Variants in HK3 observed in about 807,000 individuals in gnomAD.
HK3 encodes the protein hexokinase 3, also known as hexokinase-3.
In HK3, 93 loss-of-function variants were observed where a neutral mutation model predicts 91.0. That is an observed-to-expected ratio of 1.02 (90% CI 0.86 to 1.21). The LOEUF (loss-of-function observed/expected upper bound fraction) is 1.21, where lower values mean the gene tolerates loss of function less well. Among genes scored for constraint, HK3 ranks in the 50% most tolerant of loss-of-function variants. The pLI, the probability that HK3 is intolerant of heterozygous loss-of-function variation, is 0.00. For missense variants in HK3, 1,235 were observed against 1,247.4 expected (o/e 0.99, Z 0.15); for synonymous variants, 519 against 516.9 (o/e 1.00, Z -0.06).
intron 15 of HK3, among the ~76,000 whole-genome samples, chr5:176,883,345 A>C (rs1272576462): frequency 6.6e-6 from 1 of 152,192 alleles, no homozygotes; most frequent in African/African-American, 2.4e-5. Flanking sequence ...ACCATGAGCC[A>C]GGGACCATGC....
At position 176,881,098 on chromosome 5, in the gene HK3, C is replaced by T. The variant is rs750375133; in HGVS notation, c.2747G>A (p.Arg916His). The change falls in exon 19 of 19, where the codon CGC (arginine) becomes CAC (histidine). Residue 916 changes from arginine to histidine, a missense_variant. Physicochemically the swap from Arg to His is conservative, Grantham distance 29 (BLOSUM62 0). This residue lies in a region of HK3 where 513 missense variants were observed against 477.4 expected (regional missense o/e 1.07). Transcript: ENST00000292432. Reference sequence around the variant, plus strand: ...TCAGACACGAGTCAACTGCGCAAGGCGGCAGGCAACAGCGGTGACCAGGGC... The same window carrying T: ...TCAGACACGAGTCAACTGCGCAAGGTGGCAGGCAACAGCGGTGACCAGGGC... ...GAALVTAVAC[R>H]LAQLTRV 10 of 1,610,570 alleles carry T rather than the reference C, an allele frequency of 6.2e-6. No homozygotes were observed. Among genetic ancestry groups the T allele is most frequent in the South Asian group, 1.1e-5 (1 of 90,998 alleles).
chr5:176,890,045 T>C lies in HK3; in HGVS notation c.631-301A>G, dbSNP rs968622491. Among the ~76,000 whole-genome samples the C allele has an allele frequency of 7.9e-5, 12 of 152,156 alleles. No homozygotes were observed. In the East Asian group the frequency reaches 2.3e-3, roughly 29 times the overall value. On this transcript the variant is annotated intron_variant, in intron 6 of 18. Coordinates refer to ENST00000292432, the MANE Select transcript of HK3 (RefSeq NM_002115.3). ...AGTTTCCTGAGACTGAGCACCTCCT[T>C]GAACTCTGCGCCTTGCCAGCCTCAC...
chr5:176,889,882 A>T (rs1477984489), intron 6 of HK3, 138 bp from the exon 7 acceptor site: 8 of 689,648 alleles, frequency 1.2e-5, no homozygotes, highest in Non-Finnish European at 2.0e-5. Flanking sequence ...TGCCACACAC[A>T]TTTGTGCCAC....
chr5:176,898,834 T>C (rs1758971051), intron 1 of HK3, among the ~76,000 whole-genome samples: 1 of 152,146 alleles, frequency 6.6e-6, no homozygotes, highest in Non-Finnish European at 1.5e-5. Flanking sequence ...GGAGCTGCCA[T>C]CGAGAACCAG....
intron 2 of HK3, among the ~76,000 whole-genome samples, chr5:176,891,884 G>T (rs548365814): frequency 6.6e-6 from 1 of 152,196 alleles, no homozygotes; most frequent in Non-Finnish European, 1.5e-5. Flanking sequence ...TGGCTCCCCA[G>T]GACCCACAGC....
Position 176,887,862 on chromosome 5 carries a change from A to C in HK3, c.1305-116T>G. 9.6e-7 allele frequency: 1 copy of C among 1,041,636 alleles called. No individual in the cohort carries two copies. Among genetic ancestry groups the C allele is most frequent in the Non-Finnish European group, 1.4e-6 (1 of 724,642 alleles). 64.5% of individuals were successfully genotyped at this position (1,041,636 alleles called of 1,614,324 possible). A position where few individuals can be genotyped will look rare whatever the true frequency, so the allele number is the denominator to read the frequency against. On this transcript the variant is annotated intron_variant, in intron 10 of 18. Coordinates refer to ENST00000292432, the MANE Select transcript of HK3 (RefSeq NM_002115.3). The surrounding 1 kb of genome is among the most constrained non-coding windows in gnomAD (Gnocchi z 4.9). ...ACAGGTGTGCCCAGCTTGGCCCCAG[A>C]CCCCTAGGGCCTCCTGAAGCCCAAG...
Position 176,880,929 on chromosome 5 carries a change from G to A in HK3, c.*144C>T. ...GTGCTACTTCTCTCAGGGAAAGCCA[G>A]GGAGCAAGGCCAAATGGCCGCAGAG... is the stretch of plus-strand genomic sequence containing the variant. On this transcript the variant is annotated 3_prime_UTR_variant, in exon 19 of 19. Transcript: ENST00000292432. 1.2e-6 allele frequency: 1 copy of A among 836,654 alleles called. No individual in the cohort carries two copies. The allele number at this position is 836,654 out of a possible 1,614,324, so 51.8% of individuals were successfully genotyped here. A position where few individuals can be genotyped will look rare whatever the true frequency, so the allele number is the denominator to read the frequency against.
chr5:176,888,879 G>T lies in HK3; in HGVS notation c.915-15C>A. 6.2e-7 allele frequency: 1 copy of T among 1,607,828 alleles called. No homozygotes were observed. On this transcript the variant is annotated splice_polypyrimidine_tract_variant and intron_variant, in intron 8 of 18. Transcript: ENST00000292432. ...TCTTCTCAAACCTGCAGGGGGGAAG[G>T]GTGGCTGGAGGAAGCCTTTTCTAAG...
chr5:176,892,453 A>G (rs891709852), intron 2 of HK3, among the ~76,000 whole-genome samples: 1 of 152,068 alleles, frequency 6.6e-6, no homozygotes, highest in Non-Finnish European at 1.5e-5. Flanking sequence ...CAGGGAAGGC[A>G]GAAGCCAGGA....
intron 2 of HK3, among the ~76,000 whole-genome samples, chr5:176,892,343 G>A (rs1424720219): frequency 2.0e-5 from 3 of 152,132 alleles, no homozygotes; most frequent in African/African-American, 7.2e-5. Context: ...AATGAAGGAA[G>A]GGAACAAGCC....
chr5:176,887,722 T>C lies in HK3; in HGVS notation c.1329A>G (p.Thr443=). 6.2e-7 allele frequency: 1 copy of C among 1,612,194 alleles called. No individual in the cohort carries two copies. Among genetic ancestry groups the C allele is most frequent in the Non-Finnish European group, 8.5e-7 (1 of 1,178,614 alleles). ...HPRFCSVLQG[T]VMLLAPECDV... is the part of the protein sequence containing the mutation. ...CGCATTCCGGGGCCAGGAGCATCAC[T>C]GTCCCCTGCAGGACGCTGCAGAACC... Residue 443 remains threonine (T), a synonymous_variant, in exon 11 of 19, where the codon ACA becomes ACG. Transcript: ENST00000292432. The surrounding 1 kb of genome is among the most constrained non-coding windows in gnomAD (Gnocchi z 4.9).
intron 1 of HK3, among the ~76,000 whole-genome samples, chr5:176,898,176 T>C (rs493578): frequency 0.27 from 41,705 of 152,058 alleles, 5,775 homozygotes; most frequent in Middle Eastern, 0.35. Flanking sequence ...CCTAAACTGA[T>C]AGCTCTGCTT....
intron 13 of HK3, among the ~76,000 whole-genome samples, chr5:176,885,942 G>C (rs1366900539): frequency 1.3e-5 from 2 of 152,038 alleles, no homozygotes; most frequent in Non-Finnish European, 2.9e-5. Flanking sequence ...GCAGAGTACA[G>C]AGTTGCATAT....
rs779924580 is a variant in HK3, at chr5:176,887,238, GAGT to G, written c.1697_1699del (p.Tyr566del). ...ACCCTGGGCCACAGTCTCGGGAATG[GAGT>G]AGATCTCGCTGGTGATCTGCACGCC... On this transcript the variant is annotated inframe_deletion, in exon 12 of 19. Transcript: ENST00000292432. This position sits in a 1 kb window ranked among gnomAD's most constrained non-coding sequence, Gnocchi z 4.9. 1.9e-6 allele frequency: 3 copies of G among 1,614,146 alleles called. No homozygotes were observed. The South Asian group carries it at 3.3e-5, about 18-fold the overall frequency.
At chr5:176,889,865 G>T in intron 6 of HK3, 121 bp from the exon 7 acceptor site, 1 of 748,422 alleles carries the variant, frequency 1.3e-6, no homozygotes. Flanking sequence ...TGAAACACAT[G>T]TCTGCATGCC....
In HK3 at chr5:176,889,515, C is replaced by T. The variant is rs1758704267; in HGVS notation, c.780G>A (p.Val260=). 6.2e-7 allele frequency: 1 copy of T among 1,614,216 alleles called. No homozygotes were observed. The highest frequency in any genetic ancestry group is 2.2e-5 in the East Asian group (1 of 44,886). Residue 260 remains valine (V), a synonymous_variant, in exon 8 of 19, where the codon GTG becomes GTA. Coordinates refer to ENST00000292432, the MANE Select transcript of HK3 (RefSeq NM_002115.3). The stretch of plus-strand genomic sequence containing the variant: ...AGACGCGGCCCCGGTCTTCGTCCAG[C>T]ACTGCCACATGCCGTGCCTCCTCCA... The part of the protein sequence containing the change: ...CYMEEARHVA[V]LDEDRGRVCV...
At position 176,887,552 on chromosome 5, in the gene HK3, A is replaced by T; in HGVS notation, c.1499T>A (p.Val500Asp). ...FRLNHDQLAA[V>D]QAQMRKAMAK... is the part of the protein sequence containing the mutation. ...CATGGCCTTCCGCATCTGTGCCTGA[A>T]CCGCAGCCAGTTGATCATGGTTCAA... Residue 500 changes from valine (V) to aspartate (D), a missense_variant, in exon 11 of 19, where the codon GTT becomes GAT. Around this residue, in one of 3 missense-constraint regions of HK3, gnomAD observed 717 missense variants for 751.6 expected, o/e 0.95. Transcript: ENST00000292432. The surrounding 1 kb of genome is among the most constrained non-coding windows in gnomAD (Gnocchi z 4.9). 1 of 1,613,772 alleles carries T rather than the reference A, an allele frequency of 6.2e-7. No homozygotes were observed. Among genetic ancestry groups the T allele is most frequent in the Non-Finnish European group, 8.5e-7 (1 of 1,179,988 alleles).
chr5:176,883,671 C>A (rs867052182), intron 15 of HK3, 99 bp downstream of exon 15: 3 of 957,750 alleles, frequency 3.1e-6, no homozygotes, highest in South Asian at 2.9e-5. Flanking sequence ...CAGAGCAATC[C>A]CACATCCCCA....
At chr5:176,899,029 G>A (rs867124148) in intron 1 of HK3, among the ~76,000 whole-genome samples, 2 of 152,156 alleles carry the variant, frequency 1.3e-5, no homozygotes, top group African/African-American at 4.8e-5. Context: ...CAGCTACTCC[G>A]GAGGCTGAGG....
Sources: gnomAD v4.1 joint callset for allele counts (sites outside exome capture counted in the v4.1 genomes callset) on GRCh38, gnomAD v4.1.1 for gene constraint, gnomAD v4.1.1 regional missense constraint, Gnocchi (gnomAD v3.1) non-coding constraint, MANE v1.5 for transcripts, NCBI Gene and HGNC (gene_info 2026-07-23, HGNC 2026-07-21) for gene names.